Variants in DLC1 observed in about 807,000 individuals in gnomAD.
DLC1 encodes DLC1 Rho GTPase activating protein, also known as rho GTPase-activating protein 7.
Under a neutral mutation model 140.3 loss-of-function variants are expected in DLC1, and 54 were observed. The ratio of observed to expected loss-of-function variants is 0.38; its 90% CI spans 0.31 to 0.48. DLC1 has a LOEUF of 0.48. DLC1 is among the 20% of genes least tolerant of loss of function. The pLI is 0.96. For missense variants in DLC1, 2,536 were observed against 1,907.0 expected (o/e 1.33, Z -6.14); for synonymous variants, 986 against 728.1 (o/e 1.35, Z -5.70).
chr8:13,375,736 T>TTTA (rs370752637), intron 4 of DLC1, among the ~76,000 whole-genome samples: 1 of 33,816 alleles, frequency 3.0e-5, no homozygotes, highest in African/African-American at 2.1e-4. Flanking sequence ...TTTATTTTTA[T>TTTA]TTTTTTGCTG....
At chr8:13,196,251 TA>T in intron 5 of DLC1, among the ~76,000 whole-genome samples, 1 of 152,170 alleles carries the variant, frequency 6.6e-6, no homozygotes, top group Non-Finnish European at 1.5e-5. Context: ...TTTCTTTATG[TA>T]AAAAATGATA....
At chr8:13,317,815 G>T (rs1191830555) in intron 4 of DLC1, among the ~76,000 whole-genome samples, 1 of 152,142 alleles carries the variant, frequency 6.6e-6, no homozygotes, top group African/African-American at 2.4e-5. Context: ...CAAAGTCAGA[G>T]AAATAAGTTG....
At chr8:13,459,921 C>T (rs1799582214) in intron 2 of DLC1, among the ~76,000 whole-genome samples, 2 of 152,138 alleles carry the variant, frequency 1.3e-5, no homozygotes, top group African/African-American at 2.4e-5. Context: ...TCATCTCGCC[C>T]AATATCGCTT....
chr8:13,401,176 C>A (rs1056252719), intron 3 of DLC1, among the ~76,000 whole-genome samples: 1 of 152,118 alleles, frequency 6.6e-6, no homozygotes, highest in Non-Finnish European at 1.5e-5. Context: ...AGAAGACTGA[C>A]AATTAAGGAA....
At chr8:13,599,744 C>T (rs1805807537) in intron 1 of DLC1, among the ~76,000 whole-genome samples, 1 of 151,822 alleles carries the variant, frequency 6.6e-6, no homozygotes, top group Non-Finnish European at 1.5e-5. Context: ...ATATATAAAC[C>T]TCTCATTGGT....
chr8:13,467,380 C>A (rs1026344039), intron 2 of DLC1, among the ~76,000 whole-genome samples: 7 of 151,660 alleles, frequency 4.6e-5, no homozygotes, highest in African/African-American at 1.7e-4. Flanking sequence ...CTCCCCTCCT[C>A]TCCCCTCCCC....
At chr8:13,403,704 G>A (rs1837398093) in intron 2 of DLC1, among the ~76,000 whole-genome samples, 4 of 151,486 alleles carry the variant, frequency 2.6e-5, no homozygotes, top group South Asian at 4.2e-4. Context: ...GCAGTGGCAC[G>A]ATGTTGGCTC....
At chr8:13,173,101 C>T (rs77493297) in intron 5 of DLC1, among the ~76,000 whole-genome samples, 21,613 of 152,066 alleles carry the variant, frequency 0.14, 1,663 homozygotes, top group African/African-American at 0.19. Context: ...CTTAACATAT[C>T]TTTGAAAGAT....
intron 5 of DLC1, among the ~76,000 whole-genome samples, chr8:13,144,027 A>G (rs1017504550): frequency 6.6e-6 from 1 of 152,160 alleles, no homozygotes; most frequent in Non-Finnish European, 1.5e-5. Context: ...TTGACTGGGT[A>G]AAAAGGGCTG....
In DLC1 at chr8:13,092,514, T is replaced by C. The variant is rs1482532548; in HGVS notation, c.3740+98A>G. 3.7e-6 allele frequency: 5 copies of C among 1,353,640 alleles called. No individual in the cohort carries two copies. In the South Asian group the frequency reaches 5.2e-5, roughly 14 times the overall value. The allele number at this position is 1,353,640 out of a possible 1,614,324, so 83.9% of individuals were successfully genotyped here. On this transcript the variant is annotated intron_variant, in intron 13 of 17. Coordinates refer to ENST00000276297, the MANE Select transcript of DLC1 (RefSeq NM_182643.3). Reference sequence around the variant, plus strand: ...AATATAGCGGTCTAACCTTCTTGCTTGTTTCAGGAAAGAGTCCCACAAAAC... The same window carrying C: ...AATATAGCGGTCTAACCTTCTTGCTCGTTTCAGGAAAGAGTCCCACAAAAC...
At chr8:13,267,026 G>A (rs2117360311) in intron 5 of DLC1, among the ~76,000 whole-genome samples, 1 of 152,276 alleles carries the variant, frequency 6.6e-6, no homozygotes, top group Non-Finnish European at 1.5e-5. Context: ...AGCTACACAT[G>A]AGTTGACATG....
chr8:13,314,517 C>T (rs555665315), intron 4 of DLC1, among the ~76,000 whole-genome samples: 83 of 152,024 alleles, frequency 5.5e-4, no homozygotes, highest in African/African-American at 1.7e-3. Flanking sequence ...AAAGCATTTA[C>T]TCATATCCAT....
In DLC1 at chr8:13,376,496, C is replaced by G. The variant is rs542015469; in HGVS notation, c.1314+17057G>C. ...CCTCTTCTCCCTGCCTGCAACCTAC[C>G]CTTTCAATCAGGCAATTTTAAATAT... On this transcript the variant is annotated intron_variant, in intron 4 of 17. Transcript: ENST00000276297. 3.3e-5 allele frequency among the ~76,000 whole-genome samples: 5 copies of G among 152,216 alleles called. No individual in the cohort carries two copies. In the East Asian group the frequency reaches 9.7e-4, roughly 29 times the overall value.
intron 5 of DLC1, among the ~76,000 whole-genome samples, chr8:13,217,045 T>A (rs1461689576): frequency 6.6e-6 from 1 of 152,162 alleles, no homozygotes; most frequent in Non-Finnish European, 1.5e-5. Context: ...TAAGCCCCAC[T>A]TCCTAGTTTC....
chr8:13,400,082 T>C (rs1384334991), intron 3 of DLC1, among the ~76,000 whole-genome samples: 1 of 152,122 alleles, frequency 6.6e-6, no homozygotes, highest in Non-Finnish European at 1.5e-5. Flanking sequence ...GGTGAAAGAA[T>C]GTTAAAATTA....
chr8:13,104,713 G>C (rs1405623960), intron 7 of DLC1, among the ~76,000 whole-genome samples: 4 of 152,212 alleles, frequency 2.6e-5, no homozygotes, highest in Non-Finnish European at 5.9e-5. Context: ...CAACAGAATA[G>C]AAAGCATTTT....
chr8:13,362,745 C>G (rs995754564), intron 4 of DLC1, among the ~76,000 whole-genome samples: 3 of 152,154 alleles, frequency 2.0e-5, no homozygotes, highest in African/African-American at 7.2e-5. Flanking sequence ...CTGCATCAGC[C>G]ACACTGGCCC....
intron 5 of DLC1, among the ~76,000 whole-genome samples, chr8:13,260,567 A>G (rs1011363635): frequency 2.6e-5 from 4 of 152,078 alleles, no homozygotes; most frequent in East Asian, 1.9e-4. Flanking sequence ...AAAATGTCCA[A>G]TAGACAGTTG....
chr8:13,306,293 T>G lies in DLC1; in HGVS notation c.1315-991A>C, dbSNP rs1337159578. On this transcript the variant is annotated intron_variant, in intron 4 of 17. Transcript: ENST00000276297. ...TGAGATCTTTCCAAGAACTTAAAGC[T>G]TAACTGTCTAGTTCTACTGTTTGTG... is the stretch of plus-strand genomic sequence containing the variant. Among the ~76,000 whole-genome samples the G allele has an allele frequency of 2.0e-5, 3 of 152,282 alleles. No homozygotes were observed. The East Asian group carries it at 5.8e-4, about 29-fold the overall frequency.
Sources: gnomAD v4.1 joint callset for allele counts (sites outside exome capture counted in the v4.1 genomes callset) on GRCh38, gnomAD v4.1.1 for gene constraint, MANE v1.5 for transcripts, NCBI Gene and HGNC (gene_info 2026-07-23, HGNC 2026-07-21) for gene names.